Variants in EPC1 observed in about 807,000 individuals in gnomAD.
EPC1 encodes the protein enhancer of polycomb homolog 1.
In EPC1, 12 loss-of-function variants were observed where a neutral mutation model predicts 98.4. The ratio of observed to expected loss-of-function variants is 0.12; its 90% CI spans 0.08 to 0.20. The LOEUF (loss-of-function observed/expected upper bound fraction) is 0.20. EPC1 is among the 10% of genes least tolerant of loss of function. The pLI is 1.00. For missense variants in EPC1, 729 were observed against 990.5 expected (o/e 0.74, Z 3.54); for synonymous variants, 357 against 363.9 (o/e 0.98, Z 0.21).
intron 1 of EPC1, among the ~76,000 whole-genome samples, chr10:32,325,775 G>A (rs538597619): frequency 2.0e-4 from 11 of 55,784 alleles, no homozygotes; most frequent in African/African-American, 3.5e-4. Flanking sequence ...AGACACTGCC[G>A]GTTTTTTGGT....
chr10:32,283,601 G>A (rs1485666351), intron 10 of EPC1: 11 of 152,190 alleles, frequency 7.2e-5, no homozygotes, highest in African/African-American at 2.7e-4. Context: ...GAGCCACCAT[G>A]CCTGGCTCTA....
At chr10:32,327,316 G>A (rs901271188) in intron 1 of EPC1, among the ~76,000 whole-genome samples, 16 of 152,140 alleles carry the variant, frequency 1.1e-4, no homozygotes. Context: ...CAGGAGGGAC[G>A]GGAAACAGGA....
intron 1 of EPC1, among the ~76,000 whole-genome samples, chr10:32,367,811 T>C (rs1473150197): frequency 6.6e-6 from 1 of 152,248 alleles, no homozygotes; most frequent in African/African-American, 2.4e-5. Flanking sequence ...ATTCTGCTGT[T>C]AGCCAGCCTA....
At position 32,297,891 on chromosome 10, in the gene EPC1, G is replaced by A. The variant is rs955955145; in HGVS notation, c.314-4154C>T. Among the ~76,000 whole-genome samples, 14 of 152,004 alleles carry A rather than the reference G, an allele frequency of 9.2e-5. No homozygotes were observed. The East Asian group carries it at 9.7e-4, about 11-fold the overall frequency. On this transcript the variant is annotated intron_variant, in intron 2 of 13. Coordinates refer to ENST00000319778, the MANE Select transcript of EPC1 (RefSeq NM_001272004.3). ...CGGCTCACTGCAAGCTCCGCCTCCC[G>A]GATTAACACCATTCTCCTGCCTCGG...
intron 9 of EPC1, chr10:32,286,403 G>A (rs1360307045): frequency 2.4e-6 from 1 of 414,828 alleles, no homozygotes; most frequent in African/African-American, 2.0e-5. Flanking sequence ...ATTTACACTT[G>A]TCTTCATCTG....
intron 1 of EPC1, among the ~76,000 whole-genome samples, chr10:32,370,485 T>C (rs1184066585): frequency 6.6e-6 from 1 of 152,216 alleles, no homozygotes; most frequent in African/African-American, 2.4e-5. Context: ...CCAGATCCCA[T>C]CCAGTCCAAC....
At chr10:32,337,081 A>G (rs1039505119) in intron 1 of EPC1, among the ~76,000 whole-genome samples, 4 of 152,206 alleles carry the variant, frequency 2.6e-5, no homozygotes, top group African/African-American at 7.2e-5. Context: ...AGGATCTCTA[A>G]ATATTCCTTT....
chr10:32,361,636 T>C (rs114484811), intron 1 of EPC1, among the ~76,000 whole-genome samples: 1,801 of 152,290 alleles, frequency 0.012, 40 homozygotes, highest in African/African-American at 0.042. Flanking sequence ...ACACCCCCTA[T>C]GGGGCAAGTT....
At chr10:32,284,482 C>A in intron 10 of EPC1, 1 of 415,538 alleles carries the variant, frequency 2.4e-6, no homozygotes, top group Non-Finnish European at 4.2e-6. Flanking sequence ...AGAAATAAAC[C>A]ATCTTTGTAT....
chr10:32,284,838 G>T lies in EPC1; in HGVS notation c.1604C>A (p.Ser535Tyr), dbSNP rs771695286. The change falls in exon 10 of 14, where the codon TCC becomes TAC. Residue 535 changes from serine to tyrosine, a missense_variant. By Grantham distance (144) the Ser-to-Tyr change is moderately radical. Coordinates refer to ENST00000319778, the MANE Select transcript of EPC1 (RefSeq NM_001272004.3). ...RWRHFRPRTP[S>Y]LHDSDNDELS... ...TTCATCATTGTCACTGTCATGTAGGGATGGTGTCCGAGGCCTAAAATGCCG... is the reference window on the plus strand; with the variant it reads ...TTCATCATTGTCACTGTCATGTAGGTATGGTGTCCGAGGCCTAAAATGCCG... 1 of 1,614,180 alleles carries T rather than the reference G, an allele frequency of 6.2e-7. No individual in the cohort carries two copies. The highest frequency in any genetic ancestry group is 1.1e-5 in the South Asian group (1 of 91,080).
At chr10:32,308,257 C>T (rs1213578081) in intron 1 of EPC1, among the ~76,000 whole-genome samples, 1 of 152,132 alleles carries the variant, frequency 6.6e-6, no homozygotes, top group Non-Finnish European at 1.5e-5. Flanking sequence ...GGTGTGATGG[C>T]ATGTGCCTGT....
intron 1 of EPC1, among the ~76,000 whole-genome samples, chr10:32,360,052 G>C (rs1839395571): frequency 6.8e-6 from 1 of 148,114 alleles, no homozygotes; most frequent in African/African-American, 2.5e-5. Flanking sequence ...TCAGTAGCAG[G>C]TCTGTATCAT....
intron 1 of EPC1, among the ~76,000 whole-genome samples, chr10:32,369,420 G>A (rs542874057): frequency 1.3e-5 from 2 of 152,160 alleles, no homozygotes; most frequent in East Asian, 3.9e-4. Context: ...AAAAAATACA[G>A]TAAATATAAA....
Position 32,357,181 on chromosome 10 carries a change from G to T in EPC1, c.3+21310C>A, listed in dbSNP as rs972272682. Reference sequence around the variant, plus strand: ...CCCATGTTAGAACAGAGTACATGACGTATCTTCCAGAGTTAAAGCTGTAGA... The same window carrying T: ...CCCATGTTAGAACAGAGTACATGACTTATCTTCCAGAGTTAAAGCTGTAGA... On this transcript the variant is annotated intron_variant, in intron 1 of 13. Transcript: ENST00000375110. 4.6e-5 allele frequency among the ~76,000 whole-genome samples: 7 copies of T among 152,242 alleles called. No individual in the cohort carries two copies. In the South Asian group the frequency reaches 1.2e-3, roughly 27 times the overall value.
chr10:32,285,055 T>TA lies in EPC1; in HGVS notation c.1392-6dup, dbSNP rs537485181. On this transcript the variant is annotated splice_polypyrimidine_tract_variant and splice_region_variant and intron_variant, in intron 9 of 13. Coordinates refer to ENST00000319778, the MANE Select transcript of EPC1 (RefSeq NM_001272004.3). The stretch of plus-strand genomic sequence containing the variant: ...TGAGCTCTGTCCAGTAAGACCCTAT[T>TA]AAAAAATCAGACAAGAAACAGTTAT... 156 of 1,593,028 alleles carry TA rather than the reference T, an allele frequency of 9.8e-5. 1 individual carries two copies. In the African/African-American group the frequency reaches 1.9e-3, roughly 19 times the overall value.
chr10:32,312,581 C>T (rs1457183358), intron 1 of EPC1, among the ~76,000 whole-genome samples: 4 of 152,048 alleles, frequency 2.6e-5, no homozygotes, highest in African/African-American at 9.7e-5. Context: ...TTAACCATCT[C>T]TCCCTACACC....
At chr10:32,276,247 A>C (rs1328079715) in intron 10 of EPC1, among the ~76,000 whole-genome samples, 1 of 152,226 alleles carries the variant, frequency 6.6e-6, no homozygotes, top group South Asian at 2.1e-4. Context: ...GCAGTGGCAT[A>C]CGCCTGTAAT....
intron 2 of EPC1, among the ~76,000 whole-genome samples, chr10:32,301,561 G>A (rs1264262786): frequency 1.3e-5 from 2 of 152,172 alleles, no homozygotes; most frequent in East Asian, 1.9e-4. Flanking sequence ...TCAAGACAGC[G>A]ATATTGTCTT....
upstream of EPC1, among the ~76,000 whole-genome samples, chr10:32,348,217 G>A (rs1224968188): frequency 6.6e-6 from 1 of 152,188 alleles, no homozygotes; most frequent in African/African-American, 2.4e-5. Context: ...ATAGATGGGT[G>A]GCATCGGTTT....
Sources: gnomAD v4.1 joint callset for allele counts (sites outside exome capture counted in the v4.1 genomes callset) on GRCh38, gnomAD v4.1.1 for gene constraint, MANE v1.5 for transcripts, NCBI Gene and HGNC (gene_info 2026-07-23, HGNC 2026-07-21) for gene names.